The following SYT2 variants were observed in gnomAD, a reference collection of about 807,000 sequenced individuals.
The protein encoded by SYT2 is synaptotagmin-2.
Under a neutral mutation model 39.9 loss-of-function variants are expected in SYT2, and 15 were observed. The ratio of observed to expected loss-of-function variants is 0.38; its 90% CI spans 0.25 to 0.58. The LOEUF (loss-of-function observed/expected upper bound fraction) is 0.58, where lower values mean the gene tolerates loss of function less well. Ranked by LOEUF, SYT2 falls within the 20% of genes least tolerant of loss-of-function variation. SYT2 has a pLI of 0.70. For synonymous variants in SYT2, 181 were observed against 204.5 expected (o/e 0.89, Z 0.98); for missense variants, 389 against 530.3 (o/e 0.73, Z 2.62).
At chr1:202,678,499 C>T (rs1408313198) in intron 1 of SYT2, among the ~76,000 whole-genome samples, 2 of 152,032 alleles carry the variant, frequency 1.3e-5, no homozygotes, top group Non-Finnish European at 2.9e-5. Flanking sequence ...CATTCCAAGG[C>T]TCACCCAGTG....
chr1:202,632,370 TAGTG>T (rs1691617612), intron 1 of SYT2: 1 of 191,526 alleles, frequency 5.2e-6, no homozygotes, highest in South Asian at 1.8e-4. Context: ...AGCTTAAAAA[TAGTG>T]AGACACGCAG....
chr1:202,626,309 C>T (rs1469111520), intron 1 of SYT2, among the ~76,000 whole-genome samples: 2 of 151,624 alleles, frequency 1.3e-5, no homozygotes, highest in African/African-American at 4.8e-5. Flanking sequence ...AGGGCTGGGA[C>T]CTGAAAGAGG....
chr1:202,611,289 C>G (rs1183232216), intron 1 of SYT2, among the ~76,000 whole-genome samples: 3 of 152,100 alleles, frequency 2.0e-5, no homozygotes, highest in Non-Finnish European at 4.4e-5. Flanking sequence ...CCTTTTTGAA[C>G]ATATAATTTG....
chr1:202,664,127 C>T (rs555937386), intron 1 of SYT2, among the ~76,000 whole-genome samples: 3 of 152,168 alleles, frequency 2.0e-5, no homozygotes, highest in Non-Finnish European at 4.4e-5. Context: ...CTTCCCCAAA[C>T]AGAGGATATG....
At position 202,599,329 on chromosome 1, in the gene SYT2, C is replaced by G; in HGVS notation, c.942G>C (p.Leu314=). The change falls in exon 8 of 9, where the codon CTG becomes CTC. Residue 314 remains leucine, a synonymous_variant. Transcript: ENST00000367268. The surrounding 1 kb of genome is among the most constrained non-coding windows in gnomAD (Gnocchi z 4.4). ...GLSDPYVKIH[L]MQNGKRLKKK... is the part of the protein sequence containing the mutation. ...TCTTGAGCCTCTTGCCATTCTGCAT[C>G]AGGTGGATCTTCACGTACGGGTCTG... 1 of 1,606,482 alleles carries G rather than the reference C, an allele frequency of 6.2e-7. No individual in the cohort carries two copies. Among genetic ancestry groups the G allele is most frequent in the Non-Finnish European group, 8.5e-7 (1 of 1,177,410 alleles).
chr1:202,696,652 G>A (rs1390305503), intron 1 of SYT2, among the ~76,000 whole-genome samples: 4 of 152,184 alleles, frequency 2.6e-5, no homozygotes, highest in Non-Finnish European at 4.4e-5. Context: ...CTGAGTGGGA[G>A]CCTAGGGAAG....
chr1:202,618,273 G>A (rs564509660), intron 1 of SYT2, among the ~76,000 whole-genome samples: 15 of 152,236 alleles, frequency 9.9e-5, no homozygotes, highest in South Asian at 4.1e-4. Flanking sequence ...GGGTCCCCCC[G>A]TGCAGTACAG....
intron 1 of SYT2, among the ~76,000 whole-genome samples, chr1:202,646,543 T>C (rs1460470522): frequency 1.3e-5 from 2 of 152,208 alleles, no homozygotes; most frequent in Non-Finnish European, 2.9e-5. Context: ...CCTCAAATCC[T>C]GCATCCTCAA....
chr1:202,643,669 G>A (rs1275180804), intron 1 of SYT2, among the ~76,000 whole-genome samples: 1 of 152,208 alleles, frequency 6.6e-6, no homozygotes, highest in East Asian at 1.9e-4. Flanking sequence ...AGTCCGGACT[G>A]CCAGCGGAGG....
chr1:202,700,658 A>G (rs761134666), intron 1 of SYT2, among the ~76,000 whole-genome samples: 10 of 152,220 alleles, frequency 6.6e-5, no homozygotes, highest in Non-Finnish European at 1.0e-4. Flanking sequence ...TCTAGTAAGA[A>G]GGAGGCCTTG....
rs1253332300 is a variant in SYT2, at chr1:202,602,245, G to A, written c.633+133C>T. 1.6e-5 allele frequency: 20 copies of A among 1,227,574 alleles called. No individual in the cohort carries two copies. The East Asian group carries it at 1.9e-4, about 11-fold the overall frequency. The allele number at this position is 1,227,574 out of a possible 1,614,324, so 76.0% of individuals were successfully genotyped here. ...GGGATCCCGATCCTCCATAGAGGCC[G>A]GGGTAGCCCTGCAGTCAAGGCTGCC... On this transcript the variant is annotated intron_variant, in intron 5 of 8. Coordinates refer to ENST00000367268, the MANE Select transcript of SYT2 (RefSeq NM_177402.5).
intron 1 of SYT2, among the ~76,000 whole-genome samples, chr1:202,665,621 T>C (rs1692467754): frequency 6.6e-6 from 1 of 152,224 alleles, no homozygotes; most frequent in African/African-American, 2.4e-5. Flanking sequence ...CATTGCTTCA[T>C]GAATTATGGG....
intron 1 of SYT2, among the ~76,000 whole-genome samples, chr1:202,643,034 T>A (rs111293041): frequency 0.019 from 2,964 of 152,350 alleles, 50 homozygotes; most frequent in Non-Finnish European, 0.029. Flanking sequence ...CCCCCGGGTC[T>A]AGCCAGGTAA....
intron 1 of SYT2, among the ~76,000 whole-genome samples, chr1:202,672,869 A>G (rs1230037219): frequency 6.7e-6 from 1 of 149,048 alleles, no homozygotes; most frequent in Non-Finnish European, 1.5e-5. Flanking sequence ...CAGATTCAAG[A>G]AACCCAACAA....
intron 1 of SYT2, among the ~76,000 whole-genome samples, chr1:202,622,078 A>T (rs1691215975): frequency 1.3e-5 from 2 of 152,258 alleles, no homozygotes; most frequent in South Asian, 4.1e-4. Context: ...GATACAGCTT[A>T]CAGTATTTAA....
At position 202,604,626 on chromosome 1, in the gene SYT2, C is replaced by T. The variant is rs1251550115; in HGVS notation, c.179-5G>A. 3.7e-6 allele frequency: 6 copies of T among 1,613,306 alleles called. No homozygotes were observed. In the South Asian group the frequency reaches 5.5e-5, roughly 15 times the overall value. ...CGATCAGTGCCCAGGGTGGTACTGCCCACACAGAGAAGATCCCAGGGTCAG... is the reference window on the plus strand; with the variant it reads ...CGATCAGTGCCCAGGGTGGTACTGCTCACACAGAGAAGATCCCAGGGTCAG... On this transcript the variant is annotated splice_region_variant and splice_polypyrimidine_tract_variant and intron_variant, in intron 2 of 8. Transcript: ENST00000367268.
intron 1 of SYT2, among the ~76,000 whole-genome samples, chr1:202,689,965 C>T (rs1653776580): frequency 1.3e-5 from 2 of 151,784 alleles, no homozygotes; most frequent in African/African-American, 4.8e-5. Flanking sequence ...CAGCATGAAA[C>T]ATCTGATTAC....
At chr1:202,609,059 G>T in intron 1 of SYT2, among the ~76,000 whole-genome samples, 1 of 123,860 alleles carries the variant, frequency 8.1e-6, no homozygotes, top group Non-Finnish European at 1.6e-5. Flanking sequence ...CCCAGAGTGT[G>T]ATGTTCCCCT....
At chr1:202,640,503 C>T (rs1426360365) in intron 1 of SYT2, among the ~76,000 whole-genome samples, 3 of 150,612 alleles carry the variant, frequency 2.0e-5, no homozygotes, top group African/African-American at 7.5e-5. Flanking sequence ...TGTAGACATG[C>T]CTTTAGCCAC....
Sources: allele counts gnomAD v4.1 joint callset (sites outside exome capture counted in the v4.1 genomes callset), GRCh38; gene constraint gnomAD v4.1.1; non-coding constraint Gnocchi (gnomAD v3.1); transcripts MANE v1.5; gene names NCBI Gene and HGNC (gene_info 2026-07-23, HGNC 2026-07-21).